BEND5: variants seen among roughly 807,000 people sequenced by gnomAD.
The protein encoded by BEND5 is BEN domain containing 5.
A neutral mutation model predicts 43.9 loss-of-function variants in BEND5; 22 were observed. The ratio of observed to expected loss-of-function variants is 0.50; its 90% CI spans 0.36 to 0.72. The LOEUF is 0.72. BEND5 is among the 30% of genes least tolerant of loss of function. The pLI, the probability that BEND5 is intolerant of heterozygous loss-of-function variation, is 0.00. For synonymous variants in BEND5, 228 were observed against 225.9 expected, an observed-to-expected ratio of 1.01 and a Z score of -0.08; for missense variants, 428 against 550.6, an observed-to-expected ratio of 0.78 and a Z score of 2.23.
intron 3 of BEND5, among the ~76,000 whole-genome samples, chr1:48,745,072 A>T (rs1650528157): frequency 6.6e-6 from 1 of 152,198 alleles, no homozygotes; most frequent in Non-Finnish European, 1.5e-5. Flanking sequence ...TCAACATTAG[A>T]CTATAAAGCT....
intron 5 of BEND5, among the ~76,000 whole-genome samples, chr1:48,729,990 C>A (rs1385653686): frequency 6.6e-6 from 1 of 152,130 alleles, no homozygotes; most frequent in Non-Finnish European, 1.5e-5. Context: ...AGGGACCTTG[C>A]TCATCTCTGC....
At position 48,761,432 on chromosome 1, in the gene BEND5, T is replaced by C; in HGVS notation, c.265A>G (p.Lys89Glu). The C allele has an allele frequency of 6.4e-7, 1 of 1,551,510 alleles. No individual in the cohort carries two copies. Among genetic ancestry groups the C allele is most frequent in the Non-Finnish European group, 8.7e-7 (1 of 1,146,930 alleles). ...SDLENSVMQK[K>E]IKIPKLSLNH... ...AGAGAAAGCTTGGGGATTTTTATTT[T>C]CTTCTGCATCACACTGTTTTCAAGG... Residue 89 changes from lysine (K) to glutamate (E), a missense_variant, in exon 2 of 6, where the codon AAA becomes GAA. Physicochemically the swap from Lys to Glu is moderately conservative, Grantham distance 56. Around this residue, in one of 4 missense-constraint regions of BEND5, gnomAD observed 243 missense variants for 286.4 expected, o/e 0.85. Transcript: ENST00000371833.
At chr1:48,759,496 G>T in intron 2 of BEND5, 1 of 990,754 alleles carries the variant, frequency 1.0e-6, no homozygotes, top group Non-Finnish European at 1.4e-6. Flanking sequence ...TGGGGAAGGG[G>T]CTTGCCCAAA....
At chr1:48,749,849 G>A (rs12750387) in intron 3 of BEND5, among the ~76,000 whole-genome samples, 150,049 of 152,306 alleles carry the variant, frequency 0.99, 73,938 homozygotes, top group East Asian at 1. Flanking sequence ...GCCCTGTCAA[G>A]GAAGCATTGA....
chr1:48,758,900 C>A lies in BEND5; in HGVS notation c.745G>T (p.Gly249Cys). 6.6e-7 allele frequency: 1 copy of A among 1,511,040 alleles called. No individual in the cohort carries two copies. Among genetic ancestry groups the A allele is most frequent in the South Asian group, 1.3e-5 (1 of 76,182 alleles). 93.6% of individuals were successfully genotyped at this position (1,511,040 alleles called of 1,614,324 possible). Residue 249 changes from glycine (G) to cysteine (C), a missense_variant and splice_region_variant, in exon 3 of 6, where the codon GGT (glycine) becomes TGT (cysteine). By Grantham distance (159) the Gly-to-Cys change is radical. Transcript: ENST00000371833. ...GTAGGTGACCTGCTGGGGCACTCAC[C>A]GCTGCCAAGCCGCAGGAGCAGCACG... ...QDVLLLRLGS[G>C]PAIDLEKVKS...
intron 2 of BEND5, among the ~76,000 whole-genome samples, chr1:48,760,561 C>A (rs1644204218): frequency 1.3e-5 from 2 of 152,132 alleles, no homozygotes; most frequent in African/African-American, 2.4e-5. Flanking sequence ...TAATGTGAGA[C>A]CCCTGGAGGC....
intron 3 of BEND5, among the ~76,000 whole-genome samples, chr1:48,745,428 G>A (rs533084577): frequency 6.6e-6 from 1 of 152,260 alleles, no homozygotes; most frequent in Admixed American, 6.5e-5. Context: ...GTCTACAGAG[G>A]GACAGCTAAC....
At chr1:48,755,757 G>A (rs903736682) in intron 3 of BEND5, among the ~76,000 whole-genome samples, 1 of 152,142 alleles carries the variant, frequency 6.6e-6, no homozygotes, top group Admixed American at 6.5e-5. Flanking sequence ...GGCACTCTGC[G>A]TTTTAATAAC....
chr1:48,747,441 A>C (rs565588257), intron 3 of BEND5, among the ~76,000 whole-genome samples: 1 of 152,334 alleles, frequency 6.6e-6, no homozygotes. Flanking sequence ...CCCTGACTGC[A>C]TATCAAGATC....
chr1:48,727,670 CAGA>C lies in BEND5; in HGVS notation c.*213_*215del. On this transcript the variant is annotated 3_prime_UTR_variant, in exon 6 of 6. Transcript: ENST00000371833. Reference sequence around the variant, plus strand: ...CCAAGAAGAGTGTTTTCCCCATTCCCAGAAGGACACCAGTGCCAGGCTGCTCCT... The same window carrying C: ...CCAAGAAGAGTGTTTTCCCCATTCCCAGGACACCAGTGCCAGGCTGCTCCT... 2.9e-6 allele frequency: 1 copy of C among 345,936 alleles called. No individual in the cohort carries two copies. Among genetic ancestry groups the C allele is most frequent in the Non-Finnish European group, 5.2e-6 (1 of 192,462 alleles). The allele number at this position is 345,936 out of a possible 1,614,324, so 21.4% of individuals were successfully genotyped here.
chr1:48,761,683 C>T (rs1395096766), intron 1 of BEND5, among the ~76,000 whole-genome samples: 3 of 152,184 alleles, frequency 2.0e-5, no homozygotes, highest in African/African-American at 7.2e-5. Flanking sequence ...AAAGCACTGT[C>T]ATACAAAGTG....
intron 5 of BEND5, among the ~76,000 whole-genome samples, chr1:48,732,952 G>C (rs1008547781): frequency 3.9e-5 from 6 of 152,210 alleles, no homozygotes; most frequent in African/African-American, 9.6e-5. Flanking sequence ...AGGAATGATC[G>C]TGTCAAACAG....
chr1:48,732,858 G>A (rs1648367887), intron 5 of BEND5, among the ~76,000 whole-genome samples: 1 of 152,192 alleles, frequency 6.6e-6, no homozygotes, highest in African/African-American at 2.4e-5. Context: ...GCTGGACACA[G>A]AGGAGAGGGC....
intron 3 of BEND5, among the ~76,000 whole-genome samples, chr1:48,751,880 C>T (rs1011371602): frequency 1.3e-5 from 2 of 152,122 alleles, no homozygotes; most frequent in African/African-American, 2.4e-5. Context: ...CTGAATTGTT[C>T]GGCCACCCTG....
chr1:48,767,996 A>T (rs1359411763), intron 1 of BEND5, among the ~76,000 whole-genome samples: 2 of 152,184 alleles, frequency 1.3e-5, no homozygotes, highest in African/African-American at 4.8e-5. Context: ...AATGCTACTG[A>T]AGCAGAAACT....
chr1:48,751,545 T>C (rs533363409), intron 3 of BEND5, among the ~76,000 whole-genome samples: 1 of 152,218 alleles, frequency 6.6e-6, no homozygotes, highest in South Asian at 2.1e-4. Flanking sequence ...TTGTTTTATA[T>C]ATGGAAAGTA....
chr1:48,727,769 G>A lies in BEND5; in HGVS notation c.*117C>T, dbSNP rs556023926. 27 of 990,116 alleles carry A rather than the reference G, an allele frequency of 2.7e-5. No homozygotes were observed. Among genetic ancestry groups the A allele is most frequent in the African/African-American group, 4.9e-5 (3 of 61,394 alleles). The allele number at this position is 990,116 out of a possible 1,614,324, so 61.3% of individuals were successfully genotyped here. On this transcript the variant is annotated 3_prime_UTR_variant, in exon 6 of 6. Transcript: ENST00000371833. ...GAACAAGCCGCTGACCCCAGAACCC[G>A]ATGGATCCCTGCACACACACCACCA...
At chr1:48,739,978 G>A (rs1649657421) in intron 4 of BEND5, among the ~76,000 whole-genome samples, 1 of 152,208 alleles carries the variant, frequency 6.6e-6, no homozygotes, top group Non-Finnish European at 1.5e-5. Flanking sequence ...GGAGGGTCAA[G>A]GCTTTGCCTC....
Position 48,756,368 on chromosome 1 carries a change from T to G in BEND5, c.745+2532A>C, listed in dbSNP as rs538897473. ...ATGGTTTTGTCCCTATGATGGCATT[T>G]ATGTACTGTGCTGTCATTGATTGTT... On this transcript the variant is annotated intron_variant, in intron 3 of 5. Coordinates refer to ENST00000371833, the MANE Select transcript of BEND5 (RefSeq NM_024603.4). 6.5e-4 allele frequency among the ~76,000 whole-genome samples: 99 copies of G among 152,340 alleles called. No individual in the cohort carries two copies. In the South Asian group the frequency reaches 7.7e-3, roughly 12 times the overall value.
Sources: allele counts gnomAD v4.1 joint callset (sites outside exome capture counted in the v4.1 genomes callset), GRCh38; gene constraint gnomAD v4.1.1; regional missense constraint gnomAD v4.1.1; transcripts MANE v1.5; gene names NCBI Gene and HGNC (gene_info 2026-07-23, HGNC 2026-07-21).